The following LRFN5 variants were observed in gnomAD, a reference collection of about 807,000 sequenced individuals.
LRFN5 encodes the protein leucine-rich repeat and fibronectin type-III domain-containing protein 5.
Under a neutral mutation model 45.6 loss-of-function variants are expected in LRFN5, and 24 were observed. That is an observed-to-expected ratio of 0.53 (90% confidence interval 0.38 to 0.74). LRFN5 has a LOEUF of 0.74. Among genes scored for constraint, LRFN5 ranks in the 30% least tolerant of loss-of-function variants. The pLI, the probability that LRFN5 is intolerant of heterozygous loss-of-function variation, is 0.00. For missense variants in LRFN5, 776 were observed against 861.5 expected (o/e 0.90, Z 1.24); for synonymous variants, 340 against 313.8 (o/e 1.08, Z -0.88).
At chr14:41,653,147 C>T (rs918609289) in intron 1 of LRFN5, among the ~76,000 whole-genome samples, 2 of 151,964 alleles carry the variant, frequency 1.3e-5, no homozygotes, top group South Asian at 2.1e-4. Flanking sequence ...TATTTTGCTA[C>T]GAAGAAGCTC....
In LRFN5 at chr14:41,678,902, C is replaced by T. The variant is rs187126677; in HGVS notation, c.-197+70340C>T. ...TACACACACCTCCCCCATCTTCTTG[C>T]AACAGTCTCACGGCACAGAGAAAGA... On this transcript the variant is annotated intron_variant, in intron 1 of 5. Coordinates refer to ENST00000298119, the MANE Select transcript of LRFN5 (RefSeq NM_152447.5). Among the ~76,000 whole-genome samples the T allele has an allele frequency of 2.0e-3, 307 of 152,296 alleles. 3 individuals are homozygous for T. Among genetic ancestry groups the T allele is most frequent in the East Asian group, 2.5e-3 (13 of 5,172 alleles).
rs993256294 is a variant in LRFN5 at position 41,850,889 on chromosome 14, GA to G, written c.-20-35708del. 1.3e-4 allele frequency among the ~76,000 whole-genome samples: 20 copies of G among 149,856 alleles called. No homozygotes were observed. In the South Asian group the frequency reaches 2.1e-3, roughly 16 times the overall value. ...ATCCAAATGTAATTGTAGTATTTCA[GA>G]AAAAAAAATATGTGTTACTGAAGGA... On this transcript the variant is annotated intron_variant, in intron 2 of 5. Coordinates refer to ENST00000298119, the MANE Select transcript of LRFN5 (RefSeq NM_152447.5).
At chr14:41,890,582 C>T (rs1490502307) in intron 3 of LRFN5, among the ~76,000 whole-genome samples, 4 of 151,822 alleles carry the variant, frequency 2.6e-5, no homozygotes, top group African/African-American at 9.7e-5. Flanking sequence ...TGGCGGGCGC[C>T]TGTAGTCCCA....
intron 1 of LRFN5, among the ~76,000 whole-genome samples, chr14:41,739,702 A>T (rs1038880746): frequency 2.6e-5 from 4 of 152,022 alleles, no homozygotes; most frequent in African/African-American, 4.8e-5. Context: ...AAGGAAGTAA[A>T]TAACAAAGAT....
At chr14:41,673,978 G>C (rs1234663806) in intron 1 of LRFN5, among the ~76,000 whole-genome samples, 2 of 147,396 alleles carry the variant, frequency 1.4e-5, no homozygotes, top group African/African-American at 2.5e-5. Flanking sequence ...GGACGGGGTG[G>C]CTGCCGGGCG....
chr14:41,893,592 G>T (rs188025677), intron 4 of LRFN5: 1 of 985,272 alleles, frequency 1.0e-6, no homozygotes, highest in East Asian at 1.1e-4. Context: ...CACAAGTGAG[G>T]AATGTGGAAT....
At chr14:41,717,176 A>T (rs1883527546) in intron 1 of LRFN5, among the ~76,000 whole-genome samples, 1 of 152,200 alleles carries the variant, frequency 6.6e-6, no homozygotes. Context: ...AATGGTGAAG[A>T]TTCTACCCAG....
chr14:41,638,955 A>G (rs910571137), intron 1 of LRFN5, among the ~76,000 whole-genome samples: 5 of 152,034 alleles, frequency 3.3e-5, no homozygotes, highest in African/African-American at 9.7e-5. Context: ...GCTAGAAAAT[A>G]TTTCTCTTAT....
rs1468434125 is a variant in LRFN5 at position 41,808,406 on chromosome 14, A to AG, written c.-21+41378dup. Among the ~76,000 whole-genome samples the AG allele has an allele frequency of 1.3e-3, 26 of 19,360 alleles. 2 individuals are homozygous for AG. Among genetic ancestry groups the AG allele is most frequent in the African/African-American group, 4.8e-3 (23 of 4,788 alleles). The allele number at this position is 19,360 out of a possible 152,430, so 12.7% of individuals were successfully genotyped here. A position where few individuals can be genotyped will look rare whatever the true frequency, so the allele number is the denominator to read the frequency against. ...AGGAAGGAAGGAAAGGAAGAAAGGA[A>AG]GAAAGGAAGGAAGGAAGGAAGGAAG... On this transcript the variant is annotated intron_variant, in intron 2 of 5. Coordinates refer to ENST00000298119, the MANE Select transcript of LRFN5 (RefSeq NM_152447.5).
At chr14:41,889,002 C>T (rs1028086941) in intron 3 of LRFN5, among the ~76,000 whole-genome samples, 9 of 147,816 alleles carry the variant, frequency 6.1e-5, no homozygotes, top group African/African-American at 1.5e-4. Context: ...TATGTATACA[C>T]ATATATATAT....
chr14:41,873,710 G>T (rs1339442514), intron 2 of LRFN5, among the ~76,000 whole-genome samples: 4 of 152,128 alleles, frequency 2.6e-5, no homozygotes, highest in African/African-American at 7.2e-5. Context: ...AATATGAAGA[G>T]AAATTATTTC....
chr14:41,711,788 C>T (rs747438623), intron 1 of LRFN5, among the ~76,000 whole-genome samples: 26 of 152,192 alleles, frequency 1.7e-4, no homozygotes, highest in Admixed American at 1.1e-3. Flanking sequence ...GACAATACAA[C>T]CAAGAAGAAG....
At chr14:41,856,700 G>T (rs1156620677) in intron 2 of LRFN5, among the ~76,000 whole-genome samples, 3 of 1,916 alleles carry the variant, frequency 1.6e-3, no homozygotes, top group East Asian at 0.029. Flanking sequence ...TTTTTGAGAC[G>T]GAGTCTCGTT....
At chr14:41,749,626 T>C (rs533527098) in intron 1 of LRFN5, among the ~76,000 whole-genome samples, 1 of 151,990 alleles carries the variant, frequency 6.6e-6, no homozygotes, top group Non-Finnish European at 1.5e-5. Context: ...TATGACCTTA[T>C]GAATGCAAAG....
chr14:41,768,104 AAG>A (rs1885952640), intron 2 of LRFN5, among the ~76,000 whole-genome samples: 1 of 152,210 alleles, frequency 6.6e-6, no homozygotes, highest in African/African-American at 2.4e-5. Flanking sequence ...GTGAACAGGT[AAG>A]AGATACTTAA....
At chr14:41,773,190 A>C (rs1024068869) in intron 2 of LRFN5, among the ~76,000 whole-genome samples, 1 of 152,124 alleles carries the variant, frequency 6.6e-6, no homozygotes, top group Non-Finnish European at 1.5e-5. Context: ...CATTCAAGGC[A>C]CAAAGACCTT....
At chr14:41,726,412 G>C (rs1420954635) in intron 1 of LRFN5, among the ~76,000 whole-genome samples, 1 of 152,032 alleles carries the variant, frequency 6.6e-6, no homozygotes, top group East Asian at 1.9e-4. Context: ...GATAACTCTT[G>C]CTAAACTGCA....
intron 1 of LRFN5, among the ~76,000 whole-genome samples, chr14:41,653,324 T>C (rs1206802410): frequency 6.6e-6 from 1 of 152,178 alleles, no homozygotes; most frequent in African/African-American, 2.4e-5. Flanking sequence ...TTAGTCCATC[T>C]TGAGTTAATT....
At chr14:41,762,672 A>G (rs1371034648) in intron 1 of LRFN5, among the ~76,000 whole-genome samples, 1 of 152,118 alleles carries the variant, frequency 6.6e-6, no homozygotes, top group Non-Finnish European at 1.5e-5. Context: ...TTTTAATAAA[A>G]TAGAATTTCC....
Sources: allele counts gnomAD v4.1 joint callset (sites outside exome capture counted in the v4.1 genomes callset), GRCh38; gene constraint gnomAD v4.1.1; transcripts MANE v1.5; gene names NCBI Gene and HGNC (gene_info 2026-07-23, HGNC 2026-07-21).